Variants in INSC observed in about 807,000 individuals in gnomAD.
The protein encoded by INSC is protein inscuteable homolog.
Under a neutral mutation model 58.6 loss-of-function variants are expected in INSC, and 67 were observed. The observed-to-expected ratio is 1.14, with a 90% CI of 0.94 to 1.40. The LOEUF (loss-of-function observed/expected upper bound fraction) is 1.40, where lower values mean the gene tolerates loss of function less well. INSC is among the 40% of genes most tolerant of loss of function. INSC has a pLI of 0.00. For missense variants in INSC, 714 were observed against 692.0 expected (o/e 1.03, Z -0.36); for synonymous variants, 262 against 276.1 (o/e 0.95, Z 0.51).
intron 5 of INSC, among the ~76,000 whole-genome samples, chr11:15,183,071 G>A (rs1849834986): frequency 6.6e-6 from 1 of 152,076 alleles, no homozygotes; most frequent in African/African-American, 2.4e-5. Flanking sequence ...ATTTTGGCTG[G>A]GTGTGGCGAC....
chr11:15,152,565 C>T (rs1452471223), intron 2 of INSC, among the ~76,000 whole-genome samples: 1 of 152,170 alleles, frequency 6.6e-6, no homozygotes, highest in Non-Finnish European at 1.5e-5. Context: ...TGTGTTCAGC[C>T]CATAAAAGCT....
At chr11:15,189,661 T>A (rs1294284707) in intron 5 of INSC, among the ~76,000 whole-genome samples, 1 of 152,224 alleles carries the variant, frequency 6.6e-6, no homozygotes, top group East Asian at 1.9e-4. Context: ...CTTTAATGTT[T>A]TAAAATAAAC....
Position 15,240,432 on chromosome 11 carries a change from C to T in INSC, c.1394-15C>T. 1 of 1,612,492 alleles carries T rather than the reference C, an allele frequency of 6.2e-7. No individual in the cohort carries two copies. Among genetic ancestry groups the T allele is most frequent in the South Asian group, 1.1e-5 (1 of 90,860 alleles). On this transcript the variant is annotated splice_polypyrimidine_tract_variant and intron_variant, in intron 11 of 12. Transcript: ENST00000379556. The stretch of plus-strand genomic sequence containing the variant: ...CCCTGTCCTGGGCCTGAGGCTCTCC[C>T]TGTGTCTCCTACAGGCATGTCCCGT...
chr11:15,177,520 C>G (rs1308688731), intron 4 of INSC, among the ~76,000 whole-genome samples: 12 of 152,188 alleles, frequency 7.9e-5, no homozygotes, highest in African/African-American at 2.9e-4. Context: ...CACCCTTACA[C>G]ACGCACATAC....
intron 10 of INSC, among the ~76,000 whole-genome samples, chr11:15,237,927 G>A (rs74410644): frequency 6.6e-6 from 1 of 152,086 alleles, no homozygotes. Context: ...CTAAAAAATT[G>A]TAGACACTAT....
chr11:15,243,075 G>C (rs1012047228), intron 12 of INSC, among the ~76,000 whole-genome samples: 3 of 152,126 alleles, frequency 2.0e-5, no homozygotes, highest in Non-Finnish European at 4.4e-5. Context: ...GTATATCCAT[G>C]GGACCTTGAG....
At chr11:15,159,964 A>G (rs1848957110) in intron 2 of INSC, among the ~76,000 whole-genome samples, 1 of 152,236 alleles carries the variant, frequency 6.6e-6, no homozygotes, top group Non-Finnish European at 1.5e-5. Flanking sequence ...AAAAATGTTT[A>G]AATGTAATTA....
At chr11:15,238,255 T>A (rs1263349544) in intron 10 of INSC, among the ~76,000 whole-genome samples, 1 of 152,070 alleles carries the variant, frequency 6.6e-6, no homozygotes, top group Admixed American at 6.5e-5. Flanking sequence ...TCAGCAGAGA[T>A]TATTCGGTTG....
At position 15,128,588 on chromosome 11, in the gene INSC, C is replaced by T. The variant is rs76367530; in HGVS notation, c.-46+13585C>T. Among the ~76,000 whole-genome samples, 218 of 152,312 alleles carry T rather than the reference C, an allele frequency of 1.4e-3. 4 individuals are homozygous for T. In the East Asian group the frequency reaches 0.036, roughly 25 times the overall value. ...TGCTAGTCTGTGTTTGGTTGTATCACTTTTTGGACTTGGGAAGGGGCATCA... is the reference window on the plus strand; with the variant it reads ...TGCTAGTCTGTGTTTGGTTGTATCATTTTTTGGACTTGGGAAGGGGCATCA... On this transcript the variant is annotated intron_variant, in intron 1 of 12. Coordinates refer to ENST00000379556, the MANE Select transcript of INSC (RefSeq NM_001042536.3).
chr11:15,186,801 G>C (rs545561802), intron 5 of INSC, among the ~76,000 whole-genome samples: 2 of 152,122 alleles, frequency 1.3e-5, no homozygotes, highest in Admixed American at 1.3e-4. Context: ...GGTTTATCCA[G>C]TAATCTTTCG....
chr11:15,141,010 G>A (rs1384397283), intron 1 of INSC, among the ~76,000 whole-genome samples: 1 of 152,180 alleles, frequency 6.6e-6, no homozygotes, highest in Admixed American at 6.5e-5. Flanking sequence ...AGGACTAAAT[G>A]TAAAGCATTT....
chr11:15,191,279 G>A (rs1022861716), intron 6 of INSC, among the ~76,000 whole-genome samples: 1 of 152,010 alleles, frequency 6.6e-6, no homozygotes, highest in Non-Finnish European at 1.5e-5. Context: ...GTGCCCGGCC[G>A]GTGTCTGCAT....
At chr11:15,267,424 C>A in the INSC span, among the ~76,000 whole-genome samples, 67 of 151,988 alleles carry the variant, frequency 4.4e-4, no homozygotes, top group South Asian at 0.014. Flanking sequence ...CTATTCATTT[C>A]CCCCCAGTTT....
intron 5 of INSC, among the ~76,000 whole-genome samples, chr11:15,185,481 T>G (rs890800760): frequency 6.6e-6 from 1 of 152,120 alleles, no homozygotes. Context: ...ATTTATTTCA[T>G]TTGACCAATT....
At chr11:15,117,154 C>G (rs1847750387) in intron 1 of INSC, among the ~76,000 whole-genome samples, 3 of 151,544 alleles carry the variant, frequency 2.0e-5, no homozygotes, top group Non-Finnish European at 4.4e-5. Flanking sequence ...GTTGGTCAGG[C>G]TGGTCTTGAA....
At chr11:15,241,278 G>A (rs762658424) in intron 12 of INSC, among the ~76,000 whole-genome samples, 2 of 152,152 alleles carry the variant, frequency 1.3e-5, no homozygotes, top group Non-Finnish European at 2.9e-5. Flanking sequence ...AGAAAGTGCT[G>A]GCTCTTGTGT....
intron 2 of INSC, among the ~76,000 whole-genome samples, chr11:15,155,286 C>A (rs1310319854): frequency 6.6e-6 from 1 of 152,076 alleles, no homozygotes; most frequent in Non-Finnish European, 1.5e-5. Flanking sequence ...AACTCTTTTC[C>A]TGGGAAACTT....
upstream of INSC, chr11:15,114,920 G>T: frequency 1.0e-6 from 1 of 985,388 alleles, no homozygotes; most frequent in African/African-American, 1.7e-5. Context: ...CGGCAGAGCG[G>T]CCACTTTGCG....
chr11:15,176,867 C>G (rs1292306875), intron 3 of INSC, among the ~76,000 whole-genome samples: 1 of 152,214 alleles, frequency 6.6e-6, no homozygotes, highest in East Asian at 1.9e-4. Context: ...AATGCCCCTT[C>G]TTTCCTGAAG....
Sources: allele counts gnomAD v4.1 joint callset (sites outside exome capture counted in the v4.1 genomes callset), GRCh38; gene constraint gnomAD v4.1.1; transcripts MANE v1.5; gene names NCBI Gene and HGNC (gene_info 2026-07-23, HGNC 2026-07-21).